Variants in CERS6 observed in about 807,000 individuals in gnomAD.
The protein encoded by CERS6 is ceramide synthase 6.
CERS6 carries 26 observed loss-of-function variants against 56.8 expected under a neutral mutation model. The ratio of observed to expected loss-of-function variants is 0.46; its 90% CI spans 0.34 to 0.63. The LOEUF (loss-of-function observed/expected upper bound fraction) is 0.63, where lower values mean the gene tolerates loss of function less well. CERS6 is among the 30% of genes least tolerant of loss of function. CERS6 has a pLI of 0.01. For synonymous variants in CERS6, 164 were observed against 173.3 expected (o/e 0.95, Z 0.42); for missense variants, 415 against 467.5 (o/e 0.89, Z 1.04).
chr2:168,566,719 T>G (rs1343512907), intron 3 of CERS6, among the ~76,000 whole-genome samples: 1 of 152,134 alleles, frequency 6.6e-6, no homozygotes. Context: ...CTTATATTCC[T>G]TTATTTCAGA....
chr2:168,563,891 CG>C (rs5836190), intron 3 of CERS6, among the ~76,000 whole-genome samples: 2 of 152,046 alleles, frequency 1.3e-5, no homozygotes, highest in Non-Finnish European at 2.9e-5. Context: ...TTGGGGTGCA[CG>C]GGGGGTTTGC....
At chr2:168,582,249 G>A (rs1409444210) in intron 3 of CERS6, among the ~76,000 whole-genome samples, 1 of 152,122 alleles carries the variant, frequency 6.6e-6, no homozygotes, top group Non-Finnish European at 1.5e-5. Context: ...ACATTAGGTA[G>A]GCACTGGGCC....
chr2:168,478,596 A>G (rs545566535), intron 1 of CERS6, among the ~76,000 whole-genome samples: 12 of 152,244 alleles, frequency 7.9e-5, no homozygotes, highest in African/African-American at 2.9e-4. Context: ...TTCAGGCTCC[A>G]CCCCAGATCT....
In CERS6 at chr2:168,772,069, T is replaced by C. The variant is rs1420028605; in HGVS notation, c.*2407T>C. ...GAATAATATATCTCTGTCTATAGCT[T>C]TCCCATGGTAGCCTGATAAGGCTGA... On this transcript the variant is annotated 3_prime_UTR_variant, in exon 10 of 10. Transcript: ENST00000305747. The C allele has an allele frequency of 1.3e-5, 2 of 152,226 alleles. No homozygotes were observed. Among genetic ancestry groups the C allele is most frequent in the Non-Finnish European group, 2.9e-5 (2 of 68,028 alleles). The allele number at this position is 152,226 out of a possible 1,614,324, so 9.4% of individuals were successfully genotyped here.
At chr2:168,682,418 A>G (rs1686241343) in intron 4 of CERS6, among the ~76,000 whole-genome samples, 1 of 152,216 alleles carries the variant, frequency 6.6e-6, no homozygotes, top group Admixed American at 6.5e-5. Flanking sequence ...GTCTAAATAT[A>G]TATCTACTTT....
At chr2:168,769,115 ATT>A in intron 9 of CERS6, among the ~76,000 whole-genome samples, 1 of 151,912 alleles carries the variant, frequency 6.6e-6, no homozygotes. Flanking sequence ...TTGAGAGCTG[ATT>A]TTAAATTATT....
At chr2:168,498,152 A>G (rs566662946) in intron 1 of CERS6, among the ~76,000 whole-genome samples, 1 of 152,302 alleles carries the variant, frequency 6.6e-6, no homozygotes, top group East Asian at 1.9e-4. Context: ...TCATATTGCT[A>G]AAGTGTTTGC....
chr2:168,694,014 A>G (rs1478943544), intron 5 of CERS6, among the ~76,000 whole-genome samples: 1 of 152,146 alleles, frequency 6.6e-6, no homozygotes, highest in African/African-American at 2.4e-5. Context: ...TGTACAAAAC[A>G]CTTACATTTC....
At chr2:168,567,971 C>T (rs1172528064) in intron 3 of CERS6, among the ~76,000 whole-genome samples, 1 of 152,318 alleles carries the variant, frequency 6.6e-6, no homozygotes, top group East Asian at 1.9e-4. Context: ...GCCTTTGAAA[C>T]CTTGTCCCCC....
chr2:168,670,756 C>G (rs1484923586), intron 4 of CERS6, among the ~76,000 whole-genome samples: 1 of 152,082 alleles, frequency 6.6e-6, no homozygotes, highest in Non-Finnish European at 1.5e-5. Context: ...TTCATATGCC[C>G]CTTTCCTGCT....
intron 8 of CERS6, among the ~76,000 whole-genome samples, chr2:168,745,272 T>C (rs1047000165): frequency 3.3e-5 from 5 of 151,948 alleles, no homozygotes; most frequent in Admixed American, 2.0e-4. Flanking sequence ...GACGGAGTCT[T>C]GCTCTGTCAC....
Position 168,668,064 on chromosome 2 carries a change from T to C in CERS6, c.466-22970T>C, listed in dbSNP as rs138811263. On this transcript the variant is annotated intron_variant, in intron 4 of 9. Transcript: ENST00000305747. ...AATCGATTTGAGGTTGAAATCATGA[T>C]AAGGAGCCCGGGCTTTATTGAGTAA... 4.2e-3 allele frequency among the ~76,000 whole-genome samples: 636 copies of C among 152,286 alleles called. 3 individuals are homozygous for C. Among genetic ancestry groups the C allele is most frequent in the Middle Eastern group, 0.027 (8 of 294 alleles).
intron 8 of CERS6, among the ~76,000 whole-genome samples, chr2:168,726,415 G>T (rs1195241841): frequency 6.6e-6 from 1 of 152,196 alleles, no homozygotes; most frequent in African/African-American, 2.4e-5. Context: ...ATTTAAAAAT[G>T]ATTGCCTCTG....
intron 1 of CERS6, among the ~76,000 whole-genome samples, chr2:168,541,109 G>C (rs2105368703): frequency 1.6e-5 from 1 of 60,938 alleles, no homozygotes; most frequent in Admixed American, 1.9e-4. Context: ...GGCAGGGAGA[G>C]GTGCCAGGTT....
At chr2:168,655,102 A>C (rs1328184383) in intron 4 of CERS6, among the ~76,000 whole-genome samples, 1 of 152,246 alleles carries the variant, frequency 6.6e-6, no homozygotes, top group Non-Finnish European at 1.5e-5. Flanking sequence ...TATCCAAAGA[A>C]GACATAAAAA....
chr2:168,713,828 A>G (rs62174431), intron 6 of CERS6, among the ~76,000 whole-genome samples: 6,052 of 152,180 alleles, frequency 0.04, 134 homozygotes, highest in East Asian at 0.074. Flanking sequence ...AAGAGCCAAC[A>G]TGGTAGGATT....
rs1573994135 is a variant in CERS6 at position 168,456,637 on chromosome 2, C to T, written c.170+19C>T. The T allele has an allele frequency of 1.9e-6, 3 of 1,610,218 alleles. No homozygotes were observed. The highest frequency in any genetic ancestry group is 2.5e-6 in the Non-Finnish European group (3 of 1,177,580). On this transcript the variant is annotated intron_variant, in intron 1 of 9. Transcript: ENST00000305747. This position sits in a 1 kb window ranked among gnomAD's most constrained non-coding sequence, Gnocchi z 4.1. Reference sequence around the variant, plus strand: ...TCGAGAGGTAAGAAGGGCTGAAGCCCCTCCTCCCCTCCCCCTGCGCACACA... The same window carrying T: ...TCGAGAGGTAAGAAGGGCTGAAGCCTCTCCTCCCCTCCCCCTGCGCACACA...
intron 8 of CERS6, among the ~76,000 whole-genome samples, chr2:168,724,983 A>T (rs995808907): frequency 2.6e-5 from 4 of 151,994 alleles, no homozygotes; most frequent in African/African-American, 9.7e-5. Flanking sequence ...TCCCCACAGG[A>T]GCCCACGGAG....
intron 4 of CERS6, among the ~76,000 whole-genome samples, chr2:168,688,410 C>T (rs1291281552): frequency 5.4e-5 from 5 of 92,582 alleles, no homozygotes; most frequent in Non-Finnish European, 1.3e-4. Context: ...AGTGAGACTC[C>T]GTCTCAAAAA....
Sources: allele counts gnomAD v4.1 joint callset (sites outside exome capture counted in the v4.1 genomes callset), GRCh38; gene constraint gnomAD v4.1.1; non-coding constraint Gnocchi (gnomAD v3.1); transcripts MANE v1.5; gene names NCBI Gene and HGNC (gene_info 2026-07-23, HGNC 2026-07-21).